The following NREP variants were observed in gnomAD, a reference collection of about 807,000 sequenced individuals.
NREP encodes neuronal regeneration-related protein.
In NREP, 5 loss-of-function variants were observed where a neutral mutation model predicts 8.6. The observed-to-expected ratio is 0.58, with a 90% CI of 0.30 to 1.22. NREP has a LOEUF of 1.22. Ranked by LOEUF, NREP falls within the 50% of genes most tolerant of loss-of-function variation. The pLI is 0.07. For missense variants in NREP, 86 were observed against 82.5 expected, an observed-to-expected ratio of 1.04 and a Z score of -0.17; for synonymous variants, 27 against 28.0, an observed-to-expected ratio of 0.96 and a Z score of 0.11.
intron 2 of NREP, among the ~76,000 whole-genome samples, chr5:111,848,557 C>T (rs897003034): frequency 5.3e-5 from 8 of 152,096 alleles, no homozygotes; most frequent in Non-Finnish European, 1.0e-4. Flanking sequence ...AGTGTTGGGC[C>T]AGTGGTTGCC....
At chr5:111,940,683 A>C (rs1755805497) in intron 2 of NREP, among the ~76,000 whole-genome samples, 1 of 151,992 alleles carries the variant, frequency 6.6e-6, no homozygotes, top group Non-Finnish European at 1.5e-5. Context: ...TCATGCAAAC[A>C]TTAGGAGTAC....
chr5:111,757,539 C>T (rs910473921), upstream of NREP: 3 of 984,744 alleles, frequency 3.0e-6, no homozygotes, highest in African/African-American at 1.7e-5. Context: ...ACTGTGCAGC[C>T]GCCTAGGAGC....
At chr5:111,903,553 A>G (rs746826776) in intron 2 of NREP, among the ~76,000 whole-genome samples, 5 of 152,114 alleles carry the variant, frequency 3.3e-5, no homozygotes, top group Non-Finnish European at 5.9e-5. Flanking sequence ...ACTGATTTTC[A>G]TAGTTTCAGC....
intron 2 of NREP, among the ~76,000 whole-genome samples, chr5:111,837,224 T>G (rs1030268973): frequency 2.0e-5 from 3 of 152,024 alleles, no homozygotes; most frequent in Non-Finnish European, 4.4e-5. Flanking sequence ...AACCAGAGCT[T>G]CTTAGAGAAA....
chr5:111,895,644 C>G (rs1754492555), intron 2 of NREP, among the ~76,000 whole-genome samples: 1 of 152,058 alleles, frequency 6.6e-6, no homozygotes, highest in African/African-American at 2.4e-5. Context: ...GTTGTCTCAA[C>G]TTGGATATTA....
At chr5:111,775,380 G>T (rs2112877101) in intron 2 of NREP, among the ~76,000 whole-genome samples, 1 of 152,268 alleles carries the variant, frequency 6.6e-6, no homozygotes, top group East Asian at 1.9e-4. Flanking sequence ...TAGGGTAGCA[G>T]GAGGCAGCTG....
At chr5:111,839,045 G>A (rs1452469831) in intron 2 of NREP, among the ~76,000 whole-genome samples, 3 of 151,928 alleles carry the variant, frequency 2.0e-5, no homozygotes, top group Middle Eastern at 3.2e-3. Flanking sequence ...ATGTCATGAC[G>A]TTTCTAGATT....
At chr5:111,939,176 A>AC (rs1470591394) in intron 2 of NREP, among the ~76,000 whole-genome samples, 1 of 151,910 alleles carries the variant, frequency 6.6e-6, no homozygotes, top group East Asian at 1.9e-4. Context: ...ATGGAGCCTC[A>AC]CATCTTCCAG....
chr5:111,905,088 T>C (rs577149568), intron 2 of NREP, among the ~76,000 whole-genome samples: 55 of 152,270 alleles, frequency 3.6e-4, no homozygotes, highest in Admixed American at 1.0e-3. Flanking sequence ...AATTCCCTTA[T>C]GCACACCAAT....
At chr5:111,760,920 T>G (rs1750945918), upstream of NREP, among the ~76,000 whole-genome samples, 1 of 152,238 alleles carries the variant, frequency 6.6e-6, no homozygotes, top group East Asian at 1.9e-4. Flanking sequence ...ATTTCCTGAT[T>G]ATAGCTAAAT....
At chr5:111,786,597 AAGCCTTTCCC>A (rs1281426779) in intron 2 of NREP, among the ~76,000 whole-genome samples, 5 of 152,220 alleles carry the variant, frequency 3.3e-5, no homozygotes, top group African/African-American at 1.2e-4. Flanking sequence ...AAGATTTGAG[AAGCCTTTCCC>A]ACTCTTGTCA....
intron 2 of NREP, among the ~76,000 whole-genome samples, chr5:111,891,953 A>G (rs565945858): frequency 1.8e-4 from 27 of 152,344 alleles, no homozygotes; most frequent in African/African-American, 6.5e-4. Context: ...TATATCAGTC[A>G]TTATGACAGT....
Position 111,735,360 on chromosome 5 carries a change from C to T in NREP, c.81+70G>A, listed in dbSNP as rs1023838944. 2.7e-5 allele frequency: 29 copies of T among 1,076,706 alleles called. 1 individual carries two copies. Among genetic ancestry groups the T allele is most frequent in the Admixed American group, 2.4e-4 (14 of 57,356 alleles). The allele number at this position is 1,076,706 out of a possible 1,614,324, so 66.7% of individuals were successfully genotyped here. A position where few individuals can be genotyped will look rare whatever the true frequency, so the allele number is the denominator to read the frequency against. ...TATAATGGGTATTCAAATGAAAAAG[C>T]TCTGATATTTTAAAACAATTGTTTC... On this transcript the variant is annotated intron_variant, in intron 3 of 3. Transcript: ENST00000257435.
chr5:111,812,285 TCAAA>T (rs139562751), intron 2 of NREP, among the ~76,000 whole-genome samples: 6,039 of 151,686 alleles, frequency 0.04, 289 homozygotes, highest in East Asian at 0.25. Flanking sequence ...AGACCCTGTC[TCAAA>T]CAAACAAACA....
intron 2 of NREP, among the ~76,000 whole-genome samples, chr5:111,810,208 G>C (rs1752239873): frequency 6.6e-6 from 1 of 152,110 alleles, no homozygotes; most frequent in Non-Finnish European, 1.5e-5. Flanking sequence ...TGTGTGTACA[G>C]AGCCCATGAG....
At chr5:111,746,784 G>T (rs778414006) in intron 2 of NREP, among the ~76,000 whole-genome samples, 1 of 152,098 alleles carries the variant, frequency 6.6e-6, no homozygotes, top group Admixed American at 6.6e-5. Context: ...GTCTACTCAG[G>T]AAAGGGGTGG....
chr5:111,730,936 G>GTAAC lies in NREP; in HGVS notation c.188_191dup (p.Tyr64Ter). On this transcript the variant is annotated stop_gained and frameshift_variant, in exon 4 of 4. Coordinates refer to ENST00000257435, the MANE Select transcript of NREP (RefSeq NM_004772.4). LOFTEE classifies it high-confidence loss of function. ...GGTGTTACGATTAAAAAAAGTGGAG[G>GTAAC]TAACTGATTCTTGGGGAGCGGAGTT... The GTAAC allele has an allele frequency of 1.2e-6, 2 of 1,613,808 alleles. No homozygotes were observed. Among genetic ancestry groups the GTAAC allele is most frequent in the Non-Finnish European group, 1.7e-6 (2 of 1,179,808 alleles).
rs114944799 is a variant in NREP at position 111,865,085 on chromosome 5, T to C, written c.135+110189A>G. On this transcript the variant is annotated intron_variant, in intron 2 of 3. Coordinates refer to the NREP transcript ENST00000395634. ...GTGTACCTGCCTCGTTCTGAAGCAA[T>C]AGACAGCATGCTCCTCTCCCAGAGC... 5.3e-3 allele frequency among the ~76,000 whole-genome samples: 814 copies of C among 152,182 alleles called. 4 individuals carry two copies. The highest frequency in any genetic ancestry group is 0.018 in the African/African-American group (752 of 41,534).
At chr5:111,754,971 T>C (rs1750608024) in intron 2 of NREP, among the ~76,000 whole-genome samples, 1 of 152,234 alleles carries the variant, frequency 6.6e-6, no homozygotes, top group Non-Finnish European at 1.5e-5. Context: ...TATAAACATC[T>C]GCAGTAGGAC....
Sources: gnomAD v4.1 joint callset for allele counts (sites outside exome capture counted in the v4.1 genomes callset) on GRCh38, gnomAD v4.1.1 for gene constraint, MANE v1.5 for transcripts, NCBI Gene and HGNC (gene_info 2026-07-23, HGNC 2026-07-21) for gene names.